DPYD: variants seen among roughly 807,000 people sequenced by gnomAD.
The protein encoded by DPYD is dihydropyrimidine dehydrogenase [NADP(+)].
In DPYD, 109 loss-of-function variants were observed where a neutral mutation model predicts 116.2. That is an observed-to-expected ratio of 0.94 (90% CI 0.80 to 1.10). The LOEUF (loss-of-function observed/expected upper bound fraction) is 1.10, where lower values mean the gene tolerates loss of function less well. Ranked by LOEUF, DPYD falls within the 50% of genes least tolerant of loss-of-function variation. The pLI, the probability that DPYD is intolerant of heterozygous loss-of-function variation, is 0.00. For synonymous variants in DPYD, 440 were observed against 432.0 expected (o/e 1.02, Z -0.23); for missense variants, 1,302 against 1,254.5 (o/e 1.04, Z -0.57).
intron 18 of DPYD, among the ~76,000 whole-genome samples, chr1:97,290,289 C>A (rs1439190152): frequency 1.3e-5 from 2 of 151,954 alleles, no homozygotes; most frequent in African/African-American, 4.8e-5. Flanking sequence ...CAATGCCATC[C>A]CCATCAAGCT....
chr1:97,386,092 A>G (rs1672328468), intron 14 of DPYD, among the ~76,000 whole-genome samples: 1 of 152,036 alleles, frequency 6.6e-6, no homozygotes, highest in African/African-American at 2.4e-5. Flanking sequence ...GAGATACATT[A>G]TGGTAAGCAG....
intron 15 of DPYD, among the ~76,000 whole-genome samples, chr1:97,377,992 A>G (rs1671737012): frequency 6.6e-6 from 1 of 152,242 alleles, no homozygotes; most frequent in South Asian, 2.1e-4. Flanking sequence ...CATGAAAGGC[A>G]CAGTTATTGG....
intron 2 of DPYD, among the ~76,000 whole-genome samples, chr1:97,834,519 C>T (rs893163912): frequency 6.6e-6 from 1 of 151,806 alleles, no homozygotes; most frequent in Non-Finnish European, 1.5e-5. Context: ...TTTGAAGGAA[C>T]CTCAGAGAAT....
chr1:97,603,381 G>A (rs2102284238), intron 8 of DPYD, among the ~76,000 whole-genome samples: 1 of 152,100 alleles, frequency 6.6e-6, no homozygotes, highest in South Asian at 2.1e-4. Context: ...AATCTCAACA[G>A]CAGGAAATAA....
chr1:97,696,382 A>T (rs1661307452), intron 6 of DPYD, among the ~76,000 whole-genome samples: 1 of 152,170 alleles, frequency 6.6e-6, no homozygotes, highest in Non-Finnish European at 1.5e-5. Flanking sequence ...TCTGTTGCTT[A>T]GAATAGAGAA....
rs924632630 is a variant in DPYD, at chr1:97,382,529, T to A, written c.1906-68A>T. 3.8e-5 allele frequency: 33 copies of A among 866,808 alleles called. 1 individual carries two copies. The South Asian group carries it at 7.1e-4, about 19-fold the overall frequency. The allele number at this position is 866,808 out of a possible 1,614,324, so 53.7% of individuals were successfully genotyped here. ...CCAGTTGTACACAAAGATATATTAA[T>A]ATTTACATAAATTTATAATGGTAAA... On this transcript the variant is annotated intron_variant, in intron 14 of 22. Coordinates refer to ENST00000370192, the MANE Select transcript of DPYD (RefSeq NM_000110.4).
At chr1:97,794,220 A>C (rs1199638450) in intron 3 of DPYD, among the ~76,000 whole-genome samples, 2 of 152,180 alleles carry the variant, frequency 1.3e-5, no homozygotes, top group Non-Finnish European at 2.9e-5. Context: ...TTACAGGCAT[A>C]AGCCACCAGG....
At chr1:97,376,651 T>A (rs573813606) in intron 15 of DPYD, among the ~76,000 whole-genome samples, 5 of 152,160 alleles carry the variant, frequency 3.3e-5, no homozygotes, top group African/African-American at 4.8e-5. Flanking sequence ...TGAATTAGCA[T>A]GAAATGTTAA....
chr1:97,467,982 G>A lies in DPYD; in HGVS notation c.1741-17759C>T, dbSNP rs112888433. On this transcript the variant is annotated intron_variant, in intron 13 of 22. Transcript: ENST00000370192. ...TGACAAGAGAAGACTGTCCAGAGCA[G>A]GGGTTGACAAACTCCTATGGTAAAG... Among the ~76,000 whole-genome samples the A allele has an allele frequency of 4.9e-4, 74 of 152,230 alleles. 1 individual carries two copies. Among genetic ancestry groups the A allele is most frequent in the African/African-American group, 1.7e-3 (71 of 41,536 alleles).
intron 1 of DPYD, among the ~76,000 whole-genome samples, chr1:97,896,683 T>G (rs2101673816): frequency 6.6e-6 from 1 of 151,980 alleles, no homozygotes; most frequent in South Asian, 2.1e-4. Flanking sequence ...GCCAAAAACA[T>G]GTACCCATTA....
chr1:97,819,603 C>T (rs1668814091), intron 3 of DPYD, among the ~76,000 whole-genome samples: 1 of 151,956 alleles, frequency 6.6e-6, no homozygotes. Flanking sequence ...AATACTTTCT[C>T]ATTTTATTTA....
At chr1:97,157,134 G>A in intron 20 of DPYD, among the ~76,000 whole-genome samples, 1 of 140,330 alleles carries the variant, frequency 7.1e-6, no homozygotes, top group East Asian at 2.3e-4. Context: ...GGGGGAGGGG[G>A]GAGGATAGCA....
chr1:97,173,407 C>A (rs60850758), intron 20 of DPYD, among the ~76,000 whole-genome samples: 3 of 145,762 alleles, frequency 2.1e-5, no homozygotes, highest in African/African-American at 7.5e-5. Flanking sequence ...TGTGTATATA[C>A]GTACGTACAT....
At chr1:97,395,593 T>C (rs1672965959) in intron 14 of DPYD, among the ~76,000 whole-genome samples, 1 of 152,062 alleles carries the variant, frequency 6.6e-6, no homozygotes, top group Non-Finnish European at 1.5e-5. Context: ...ATTTTATGTC[T>C]TCAACCCTCT....
intron 13 of DPYD, among the ~76,000 whole-genome samples, chr1:97,472,954 A>T (rs575731889): frequency 6.6e-6 from 1 of 152,306 alleles, no homozygotes; most frequent in African/African-American, 2.4e-5. Context: ...ATCACCTCAC[A>T]TAGTTGCCTT....
intron 4 of DPYD, among the ~76,000 whole-genome samples, chr1:97,737,772 T>TAC (rs1223004293): frequency 1.3e-5 from 2 of 151,930 alleles, no homozygotes; most frequent in South Asian, 2.1e-4. Context: ...CATATATATA[T>TAC]ACACACACAC....
chr1:97,157,749 A>T (rs530958287), intron 20 of DPYD, among the ~76,000 whole-genome samples: 1 of 152,288 alleles, frequency 6.6e-6, no homozygotes, highest in South Asian at 2.1e-4. Context: ...CTTGATGGAT[A>T]TATTTTCAAG....
At chr1:97,382,190 T>C (rs747061665) in intron 15 of DPYD, among the ~76,000 whole-genome samples, 2 of 152,198 alleles carry the variant, frequency 1.3e-5, no homozygotes, top group African/African-American at 2.4e-5. Context: ...GGACCGCTTT[T>C]ATAGAATAAA....
chr1:97,226,950 A>G (rs1291535099), intron 19 of DPYD, among the ~76,000 whole-genome samples: 1 of 152,184 alleles, frequency 6.6e-6, no homozygotes, highest in Non-Finnish European at 1.5e-5. Flanking sequence ...ACAGAATAAG[A>G]TCATAGAAAT....
Sources: allele counts gnomAD v4.1 joint callset (sites outside exome capture counted in the v4.1 genomes callset), GRCh38; gene constraint gnomAD v4.1.1; transcripts MANE v1.5; gene names NCBI Gene and HGNC (gene_info 2026-07-23, HGNC 2026-07-21).